The following SEC13 variants were observed in gnomAD, a reference collection of about 807,000 sequenced individuals.
The protein encoded by SEC13 is protein SEC13 homolog.
A neutral mutation model predicts 49.2 loss-of-function variants in SEC13; 25 were observed. The observed-to-expected ratio is 0.51, with a 90% CI of 0.37 to 0.71. SEC13 has a LOEUF of 0.71. SEC13 is among the 30% of genes least tolerant of loss of function. The pLI, the probability that SEC13 is intolerant of heterozygous loss-of-function variation, is 0.00. For synonymous variants in SEC13, 148 were observed against 163.9 expected (o/e 0.90, Z 0.74); for missense variants, 383 against 417.6 (o/e 0.92, Z 0.72).
chr3:10,303,800 A>G, intron 8 of SEC13: 1 of 568,502 alleles, frequency 1.8e-6, no homozygotes, highest in South Asian at 1.9e-5. Flanking sequence ...ATGCAAGTCA[A>G]ATCGCCTCTG....
chr3:10,308,236 C>G (rs1048266856), intron 5 of SEC13, among the ~76,000 whole-genome samples: 18 of 152,298 alleles, frequency 1.2e-4, no homozygotes, highest in East Asian at 1.2e-3. Context: ...TAATCCATCT[C>G]CCCATCCTGC....
At chr3:10,315,243 C>A in intron 3 of SEC13, 78 bp downstream of exon 3, 1 of 1,071,470 alleles carries the variant, frequency 9.3e-7, no homozygotes, top group South Asian at 1.4e-5. Flanking sequence ...GGCTCCCATG[C>A]TTTGCTCCCA....
rs780624197 is a variant in SEC13, at chr3:10,301,239, G to A, written c.*22C>T. 119 of 1,614,040 alleles carry A rather than the reference G, an allele frequency of 7.4e-5. No individual in the cohort carries two copies. The highest frequency in any genetic ancestry group is 9.5e-5 in the Non-Finnish European group (112 of 1,180,030). On this transcript the variant is annotated 3_prime_UTR_variant, in exon 9 of 9. Coordinates refer to ENST00000350697, the MANE Select transcript of SEC13 (RefSeq NM_183352.3). ...GGCAGTCCTGGAGCTGGCGGGTGGG[G>A]AGCCAGGCCCCACCTGTCTTGTCAC...
chr3:10,315,192 G>A (rs952546594), intron 3 of SEC13, 129 bp downstream of exon 3: 4 of 670,536 alleles, frequency 6.0e-6, no homozygotes, highest in Non-Finnish European at 1.0e-5. Context: ...GGATCCCAGC[G>A]TCCTCTCCGC....
At chr3:10,303,919 G>A (rs1311073112) in intron 8 of SEC13, 107 bp downstream of exon 8, 6 of 1,260,180 alleles carry the variant, frequency 4.8e-6, no homozygotes, top group Non-Finnish European at 6.8e-6. Flanking sequence ...CCTGGCTAAG[G>A]CTCCTGCCCA....
chr3:10,310,749 C>T (rs549221994), intron 5 of SEC13, among the ~76,000 whole-genome samples: 1 of 152,326 alleles, frequency 6.6e-6, no homozygotes, highest in East Asian at 1.9e-4. Context: ...GAATTAAAAA[C>T]ATATGTTCAT....
Position 10,304,069 on chromosome 3 carries a change from G to C in SEC13, c.812C>G (p.Ser271Cys). The C allele has an allele frequency of 6.2e-7, 1 of 1,614,076 alleles. No individual in the cohort carries two copies. The highest frequency in any genetic ancestry group is 1.1e-5 in the South Asian group (1 of 91,076). The change falls in exon 8 of 9, where the codon TCC becomes TGC. Residue 271 changes from serine to cysteine, a missense_variant. Ser to Cys is a moderately radical substitution (Grantham distance 112, BLOSUM62 -1). Transcript: ENST00000350697. ...GACAGCCAGGATGTTGGCTGTGATG[G>C]ACCAGCTCACATGCCACACCACATC... Reference protein sequence around the residue: ...FNDVVWHVSWSITANILAVSG... With the variant: ...FNDVVWHVSWCITANILAVSG...
At chr3:10,316,502 T>C (rs1293148608) in intron 2 of SEC13, among the ~76,000 whole-genome samples, 1 of 152,182 alleles carries the variant, frequency 6.6e-6, no homozygotes, top group Admixed American at 6.5e-5. Flanking sequence ...GCACTTCTCA[T>C]GCTTCTCAGT....
At chr3:10,305,208 A>G (rs79813946) in intron 6 of SEC13, 52 bp from the exon 7 acceptor site, 1 of 1,550,866 alleles carries the variant, frequency 6.4e-7, no homozygotes, top group Admixed American at 1.9e-5. Context: ...CCACACCTCA[A>G]CTCCTCCCCA....
intron 2 of SEC13, among the ~76,000 whole-genome samples, chr3:10,316,078 C>T (rs1397695404): frequency 1.3e-5 from 2 of 152,212 alleles, no homozygotes; most frequent in Middle Eastern, 3.2e-3. Context: ...AACACAATGC[C>T]TTAAGTGTCG....
chr3:10,320,636 C>T, intron 1 of SEC13: 1 of 1,013,886 alleles, frequency 9.9e-7, no homozygotes, highest in Non-Finnish European at 1.2e-6. Flanking sequence ...GCAAGAGGCT[C>T]CACGTCTCCG....
At chr3:10,309,139 T>G (rs1248785984) in intron 5 of SEC13, among the ~76,000 whole-genome samples, 2 of 151,782 alleles carry the variant, frequency 1.3e-5, no homozygotes, top group Non-Finnish European at 2.9e-5. Flanking sequence ...GGTTTCGCCA[T>G]GTTGGTCAGG....
intron 1 of SEC13, chr3:10,320,753 A>G: frequency 7.7e-7 from 1 of 1,298,554 alleles, no homozygotes; most frequent in Non-Finnish European, 9.7e-7. Context: ...GGTATACAGT[A>G]GCTCCTCTGC....
intron 5 of SEC13, among the ~76,000 whole-genome samples, chr3:10,308,473 T>C (rs1417006414): frequency 2.0e-5 from 3 of 152,108 alleles, no homozygotes; most frequent in Non-Finnish European, 4.4e-5. Flanking sequence ...CATTTACCTG[T>C]TGATGGACAT....
intron 3 of SEC13, among the ~76,000 whole-genome samples, chr3:10,314,475 C>G (rs1479596705): frequency 6.6e-6 from 1 of 152,214 alleles, no homozygotes; most frequent in East Asian, 1.9e-4. Context: ...CTACTGGTGA[C>G]AAAGTGACAG....
chr3:10,307,753 A>G (rs1559494089), intron 5 of SEC13, among the ~76,000 whole-genome samples: 1 of 152,114 alleles, frequency 6.6e-6, no homozygotes, highest in Non-Finnish European at 1.5e-5. Flanking sequence ...GCCAAACCAC[A>G]TCATGGGGCT....
Position 10,303,324 on chromosome 3 carries a change from C to T in SEC13, c.855+702G>A, listed in dbSNP as rs57228646. On this transcript the variant is annotated intron_variant, in intron 8 of 8. Coordinates refer to ENST00000350697, the MANE Select transcript of SEC13 (RefSeq NM_183352.3). The stretch of plus-strand genomic sequence containing the variant: ...GCCACTCCACGTGGAACTGACCCTG[C>T]GGCGTTAGAGATCCTCTGTCTTATA... Among the ~76,000 whole-genome samples, 1,340 of 152,346 alleles carry T rather than the reference C, an allele frequency of 8.8e-3. 15 individuals are homozygous for T. Among genetic ancestry groups the T allele is most frequent in the Middle Eastern group, 0.044 (13 of 294 alleles).
chr3:10,304,245 CTA>C, intron 7 of SEC13, 73 bp from the exon 8 acceptor site: 1 of 1,507,148 alleles, frequency 6.6e-7, no homozygotes, highest in East Asian at 2.3e-5. Context: ...TCCTCCCAGT[CTA>C]GAGCCACCCG....
chr3:10,307,422 C>T (rs1700953884), intron 5 of SEC13, among the ~76,000 whole-genome samples: 1 of 151,968 alleles, frequency 6.6e-6, no homozygotes, highest in Non-Finnish European at 1.5e-5. Context: ...CATTTTCACG[C>T]TGCTGATAAA....
Sources: allele counts gnomAD v4.1 joint callset (sites outside exome capture counted in the v4.1 genomes callset), GRCh38; gene constraint gnomAD v4.1.1; transcripts MANE v1.5; gene names NCBI Gene and HGNC (gene_info 2026-07-23, HGNC 2026-07-21).